TLK1: variants seen among roughly 807,000 people sequenced by gnomAD.
The protein encoded by TLK1 is tousled like kinase 1, also known as serine/threonine-protein kinase tousled-like 1.
Under a neutral mutation model 105.3 loss-of-function variants are expected in TLK1, and 24 were observed. The observed-to-expected ratio is 0.23, with a 90% CI of 0.17 to 0.32. The LOEUF is 0.32. Among genes scored for constraint, TLK1 ranks in the 10% least tolerant of loss-of-function variants. The pLI, the probability that TLK1 is intolerant of heterozygous loss-of-function variation, is 1.00. For missense variants in TLK1, 558 were observed against 910.5 expected (o/e 0.61, Z 4.98); for synonymous variants, 321 against 310.4 (o/e 1.03, Z -0.36).
chr2:171,177,332 G>T (rs140698929), intron 1 of TLK1, among the ~76,000 whole-genome samples: 2,904 of 151,460 alleles, frequency 0.019, 37 homozygotes, highest in Admixed American at 0.031. Flanking sequence ...TGTAGAGATG[G>T]TTTTTTTGCC....
At chr2:171,184,206 C>T (rs1274522539) in intron 1 of TLK1, among the ~76,000 whole-genome samples, 1 of 152,156 alleles carries the variant, frequency 6.6e-6, no homozygotes, top group Non-Finnish European at 1.5e-5. Flanking sequence ...ACTAGGTTCT[C>T]ACCTAGAGAA....
chr2:171,182,585 G>A (rs769947079), intron 1 of TLK1, among the ~76,000 whole-genome samples: 1 of 151,912 alleles, frequency 6.6e-6, no homozygotes, highest in East Asian at 1.9e-4. Flanking sequence ...ATGATAACTG[G>A]GTACAAAACA....
rs144837089 is a variant in TLK1, at chr2:171,008,783, C to T, written c.1417-1720G>A. ...AGGTCAGTATAGAAAGTTCAAGTCA[C>T]TGGGCCCCAATCTGCACTTTCTAAT... is the stretch of plus-strand genomic sequence containing the variant. On this transcript the variant is annotated intron_variant, in intron 14 of 20. Transcript: ENST00000431350. Among the ~76,000 whole-genome samples the T allele has an allele frequency of 4.3e-4, 66 of 152,306 alleles. 1 individual carries two copies. In the Middle Eastern group the frequency reaches 0.017, roughly 39 times the overall value.
chr2:171,213,300 C>T (rs902144937), intron 1 of TLK1, among the ~76,000 whole-genome samples: 1 of 151,406 alleles, frequency 6.6e-6, no homozygotes, highest in East Asian at 1.9e-4. Context: ...CTCCTGGGCT[C>T]GGGTGATCCT....
intron 3 of TLK1, among the ~76,000 whole-genome samples, chr2:171,082,013 A>G (rs566906681): frequency 6.8e-6 from 1 of 147,014 alleles, no homozygotes; most frequent in South Asian, 2.1e-4. Context: ...AAGTAGAAAT[A>G]AGACTGACGG....
chr2:171,006,108 C>A, intron 18 of TLK1, 39 bp downstream of exon 18: 1 of 1,472,200 alleles, frequency 6.8e-7, no homozygotes, highest in South Asian at 1.6e-5. Flanking sequence ...GCACTGGGCA[C>A]CAATCTAGAC....
intron 11 of TLK1, among the ~76,000 whole-genome samples, chr2:171,029,778 C>T (rs1290164988): frequency 6.6e-6 from 1 of 152,196 alleles, no homozygotes; most frequent in Non-Finnish European, 1.5e-5. Flanking sequence ...TAGGGTCTCG[C>T]TCTGTTGCCC....
intron 12 of TLK1, among the ~76,000 whole-genome samples, chr2:171,021,058 G>T (rs1228656020): frequency 6.6e-6 from 1 of 151,928 alleles, no homozygotes; most frequent in African/African-American, 2.4e-5. Context: ...TGTTTTTCTG[G>T]GGGTGTGTGG....
chr2:171,165,073 G>A (rs776454772), upstream of TLK1, among the ~76,000 whole-genome samples: 66 of 152,196 alleles, frequency 4.3e-4, no homozygotes, highest in Non-Finnish European at 8.4e-4. Flanking sequence ...CACTCTGTAG[G>A]GAAGAAGAAA....
intron 1 of TLK1, among the ~76,000 whole-genome samples, chr2:171,168,802 A>G (rs1013213295): frequency 6.6e-6 from 1 of 152,170 alleles, no homozygotes; most frequent in Non-Finnish European, 1.5e-5. Context: ...GTGTGTGCTC[A>G]GGGTGCAGTG....
In TLK1 at chr2:171,142,429, T is replaced by C. The variant is rs75033423; in HGVS notation, c.139+17861A>G. 1.9e-3 allele frequency among the ~76,000 whole-genome samples: 286 copies of C among 152,166 alleles called. 3 individuals carry two copies. Among genetic ancestry groups the C allele is most frequent in the Admixed American group, 6.2e-3 (95 of 15,298 alleles). ...GGCTAAAACGCGAAAGCTGAAAGAATGGAAAAAGCTGTAGCATGCAAACAC... is the reference window on the plus strand; with the variant it reads ...GGCTAAAACGCGAAAGCTGAAAGAACGGAAAAAGCTGTAGCATGCAAACAC... On this transcript the variant is annotated intron_variant, in intron 1 of 20. Transcript: ENST00000431350.
chr2:171,056,126 T>C (rs916105896), intron 6 of TLK1, among the ~76,000 whole-genome samples: 2 of 152,064 alleles, frequency 1.3e-5, no homozygotes, highest in Admixed American at 1.3e-4. Context: ...AGAAATTCAA[T>C]TGTTAAGAAA....
intron 7 of TLK1, chr2:171,054,130 G>T: frequency 4.6e-6 from 1 of 215,754 alleles, no homozygotes. Context: ...CGTTCCTCTA[G>T]TTGATTTTTT....
upstream of TLK1, among the ~76,000 whole-genome samples, chr2:171,162,510 C>T (rs1464402642): frequency 2.0e-5 from 3 of 152,168 alleles, no homozygotes; most frequent in African/African-American, 4.8e-5. Context: ...TGCACTCCAG[C>T]CTGGGCGACA....
At chr2:171,228,792 C>G (rs1249233454) in intron 1 of TLK1, among the ~76,000 whole-genome samples, 1 of 152,070 alleles carries the variant, frequency 6.6e-6, no homozygotes, top group African/African-American at 2.4e-5. Context: ...GTGAAGGTAG[C>G]ATTTTGTACT....
Position 171,055,257 on chromosome 2 carries a change from A to G in TLK1, c.550-85T>C, listed in dbSNP as rs1050651793. 9.9e-6 allele frequency: 8 copies of G among 805,548 alleles called. No homozygotes were observed. The African/African-American group carries it at 1.3e-4, about 13-fold the overall frequency. 49.9% of individuals were successfully genotyped at this position (805,548 alleles called of 1,614,324 possible). On this transcript the variant is annotated intron_variant, in intron 6 of 20. Transcript: ENST00000431350. ...AACAGATTTCTAATTAGCAACAATTACTTAACATTTCTGAAGAAGTTTCTA... is the reference window on the plus strand; with the variant it reads ...AACAGATTTCTAATTAGCAACAATTGCTTAACATTTCTGAAGAAGTTTCTA...
intron 1 of TLK1, among the ~76,000 whole-genome samples, chr2:171,149,898 C>A (rs998465436): frequency 2.6e-5 from 4 of 151,674 alleles, no homozygotes; most frequent in Admixed American, 6.6e-5. Context: ...CAAAGTGAGA[C>A]CTTGTCTCAA....
intron 1 of TLK1, among the ~76,000 whole-genome samples, chr2:171,211,616 G>A (rs1168403541): frequency 1.3e-5 from 2 of 151,232 alleles, no homozygotes; most frequent in Non-Finnish European, 2.9e-5. Flanking sequence ...ATGGCGCGAT[G>A]TTGGTTCACT....
chr2:171,114,846 AAAAG>A (rs1690340117), intron 2 of TLK1, among the ~76,000 whole-genome samples: 1 of 151,956 alleles, frequency 6.6e-6, no homozygotes, highest in Non-Finnish European at 1.5e-5. Context: ...GAGGGAAAAA[AAAAG>A]AAGAAGAAAG....
Sources: allele counts gnomAD v4.1 joint callset (sites outside exome capture counted in the v4.1 genomes callset), GRCh38; gene constraint gnomAD v4.1.1; transcripts MANE v1.5; gene names NCBI Gene and HGNC (gene_info 2026-07-23, HGNC 2026-07-21).